LNPEP: variants seen among roughly 807,000 people sequenced by gnomAD.
LNPEP encodes leucyl-cystinyl aminopeptidase.
In LNPEP, 64 loss-of-function variants were observed where a neutral mutation model predicts 120.6. That is an observed-to-expected ratio of 0.53 (90% CI 0.43 to 0.65). The LOEUF (loss-of-function observed/expected upper bound fraction) is 0.65. LNPEP is among the 30% of genes least tolerant of loss of function. The probability of loss-of-function intolerance (pLI) is 0.00; values close to 1 mark genes in which losing one functional copy is unlikely to be tolerated. For synonymous variants in LNPEP, 435 were observed against 425.4 expected (o/e 1.02, Z -0.28); for missense variants, 1,057 against 1,200.0 (o/e 0.88, Z 1.76).
chr5:96,972,417 C>T (rs770246090), intron 1 of LNPEP, among the ~76,000 whole-genome samples: 7 of 152,102 alleles, frequency 4.6e-5, no homozygotes, highest in Non-Finnish European at 1.0e-4. Context: ...GCCACTACTT[C>T]CCTGCACTGC....
intron 1 of LNPEP, among the ~76,000 whole-genome samples, chr5:96,943,525 G>A (rs1001295962): frequency 2.6e-5 from 4 of 152,244 alleles, no homozygotes; most frequent in Non-Finnish European, 5.9e-5. Context: ...GGGCTCCAAT[G>A]TTCTGCCTGT....
rs1339984984 is a variant in LNPEP at position 97,030,550 on chromosome 5, A to G, written c.*2017A>G. 6.6e-6 allele frequency: 1 copy of G among 151,226 alleles called. No homozygotes were observed. Among genetic ancestry groups the G allele is most frequent in the East Asian group, 1.9e-4 (1 of 5,162 alleles). 9.4% of individuals were successfully genotyped at this position (151,226 alleles called of 1,614,324 possible). ...CTTCTTGACATCGCTCCTATAATGT[A>G]TGTTAGTTAACTCTGCATATGGCAA... is the stretch of plus-strand genomic sequence containing the variant. On this transcript the variant is annotated 3_prime_UTR_variant, in exon 18 of 18. Coordinates refer to ENST00000231368, the MANE Select transcript of LNPEP (RefSeq NM_005575.3).
At position 97,013,758 on chromosome 5, in the gene LNPEP, T is replaced by A. The variant is rs755344838; in HGVS notation, c.2146T>A (p.Leu716Met). 6.2e-7 allele frequency: 1 copy of A among 1,612,226 alleles called. No homozygotes were observed. Among genetic ancestry groups the A allele is most frequent in the African/African-American group, 1.3e-5 (1 of 74,870 alleles). ...DDDWEALIHQ[L>M]KINPYVLSDK... ...TGATTGGGAAGCACTAATCCATCAGTTGAAAATAAATCCTTATGTTCTGAG... is the reference window on the plus strand; with the variant it reads ...TGATTGGGAAGCACTAATCCATCAGATGAAAATAAATCCTTATGTTCTGAG... The change falls in exon 12 of 18, where the codon TTG becomes ATG. Residue 716 changes from leucine (L) to methionine (M), a missense_variant. Transcript: ENST00000231368.
intron 1 of LNPEP, among the ~76,000 whole-genome samples, chr5:96,948,612 A>G (rs1422735275): frequency 6.6e-6 from 1 of 152,166 alleles, no homozygotes. Context: ...TTGTTCTTAA[A>G]TTTACAAATA....
At position 97,034,576 on chromosome 5, in the gene LNPEP, G is replaced by A. The variant is rs1162838578; in HGVS notation, c.*6043G>A. The A allele has an allele frequency of 6.6e-6, 1 of 151,974 alleles. No homozygotes were observed. The highest frequency in any genetic ancestry group is 1.5e-5 in the Non-Finnish European group (1 of 67,980). 9.4% of individuals were successfully genotyped at this position (151,974 alleles called of 1,614,324 possible). On this transcript the variant is annotated 3_prime_UTR_variant, in exon 18 of 18. Coordinates refer to ENST00000231368, the MANE Select transcript of LNPEP (RefSeq NM_005575.3). ...TAATGAGGGACCCAGACCCGAGAGTGTGGTAAATATTCTTTGCCTTCCTCA... is the reference window on the plus strand; with the variant it reads ...TAATGAGGGACCCAGACCCGAGAGTATGGTAAATATTCTTTGCCTTCCTCA...
intron 1 of LNPEP, among the ~76,000 whole-genome samples, chr5:96,946,322 T>C (rs920148339): frequency 2.6e-5 from 4 of 152,198 alleles, no homozygotes; most frequent in Admixed American, 2.0e-4. Flanking sequence ...AGAGGCTTGG[T>C]AGCATTCCAC....
chr5:96,940,291 G>T (rs1192471468), intron 1 of LNPEP, among the ~76,000 whole-genome samples: 2 of 152,054 alleles, frequency 1.3e-5, no homozygotes, highest in African/African-American at 2.4e-5. Flanking sequence ...TTATCCTTGA[G>T]AACTCAGCCT....
chr5:96,959,933 CTTTTTT>C (rs11316262), intron 1 of LNPEP, among the ~76,000 whole-genome samples: 1 of 113,202 alleles, frequency 8.8e-6, no homozygotes, highest in Non-Finnish European at 1.8e-5. Flanking sequence ...TAAAATTTAT[CTTTTTT>C]TTTTTTTTTT....
chr5:97,024,767 G>A lies in LNPEP; in HGVS notation c.2723+85G>A, dbSNP rs568896071. 8.3e-5 allele frequency: 106 copies of A among 1,277,596 alleles called. 3 individuals are homozygous for A. The South Asian group carries it at 1.4e-3, about 17-fold the overall frequency. The allele number at this position is 1,277,596 out of a possible 1,614,324, so 79.1% of individuals were successfully genotyped here. The stretch of plus-strand genomic sequence containing the variant: ...TTGGTCAGGAGCTCATTTTTGAGGG[G>A]ATCTCTTTTCCCCACTTCTGTTACA... On this transcript the variant is annotated intron_variant, in intron 15 of 17. Coordinates refer to ENST00000231368, the MANE Select transcript of LNPEP (RefSeq NM_005575.3).
intron 10 of LNPEP, 69 bp from the exon 11 acceptor site, chr5:97,006,358 A>T: frequency 8.0e-7 from 1 of 1,245,418 alleles, no homozygotes; most frequent in Non-Finnish European, 1.1e-6. Context: ...GAATAGCTTA[A>T]CCTTCCTACC....
intron 11 of LNPEP, chr5:97,010,301 A>G (rs1245821034): frequency 2.1e-6 from 2 of 972,740 alleles, no homozygotes; most frequent in African/African-American, 3.5e-5. Flanking sequence ...TTCCAAATGG[A>G]TATCACTATC....
intron 4 of LNPEP, among the ~76,000 whole-genome samples, chr5:96,990,838 C>T (rs1279970973): frequency 2.0e-5 from 3 of 152,166 alleles, no homozygotes; most frequent in African/African-American, 7.2e-5. Flanking sequence ...TGCATATGTT[C>T]TATAGACTGA....
At position 97,031,950 on chromosome 5, in the gene LNPEP, A is replaced by G. The variant is rs182195004; in HGVS notation, c.*3417A>G. 5.9e-5 allele frequency: 9 copies of G among 152,292 alleles called. No individual in the cohort carries two copies. In the East Asian group the frequency reaches 1.7e-3, roughly 29 times the overall value. The allele number at this position is 152,292 out of a possible 1,614,324, so 9.4% of individuals were successfully genotyped here. On this transcript the variant is annotated 3_prime_UTR_variant, in exon 18 of 18. Coordinates refer to ENST00000231368, the MANE Select transcript of LNPEP (RefSeq NM_005575.3). ...GTTGGATTACTGACAGTTTGTTGAG[A>G]TGGATTTTAAAAAGAGTCTATTTAA...
At chr5:96,949,091 C>G (rs1789260949) in intron 1 of LNPEP, among the ~76,000 whole-genome samples, 1 of 152,234 alleles carries the variant, frequency 6.6e-6, no homozygotes, top group African/African-American at 2.4e-5. Flanking sequence ...AAGCTGGGAA[C>G]TAATGGTGTT....
chr5:96,939,954 A>AT, intron 1 of LNPEP, among the ~76,000 whole-genome samples: 1 of 152,304 alleles, frequency 6.6e-6, no homozygotes, highest in East Asian at 1.9e-4. Context: ...TCTATGATAA[A>AT]TTTCCACATT....
chr5:96,936,127 C>A lies in LNPEP; in HGVS notation c.-29C>A. On this transcript the variant is annotated 5_prime_UTR_variant, in exon 1 of 18. Transcript: ENST00000231368. ...CTCGGAGTAGGAAGCTCGGGCGCTC[C>A]GGCTGTAAGGAGCCGCGGCGGGGGG... The A allele has an allele frequency of 2.0e-6, 3 of 1,514,976 alleles. No individual in the cohort carries two copies. The highest frequency in any genetic ancestry group is 2.1e-5 in the Admixed American group (1 of 48,104). The allele number at this position is 1,514,976 out of a possible 1,614,324, so 93.8% of individuals were successfully genotyped here.
intron 1 of LNPEP, 106 bp from the exon 2 acceptor site, chr5:96,979,032 A>C (rs1011989503): frequency 4.5e-5 from 60 of 1,330,274 alleles, no homozygotes; most frequent in Non-Finnish European, 5.7e-5. Context: ...TAGTGACTTA[A>C]AAAAATTCTT....
intron 1 of LNPEP, among the ~76,000 whole-genome samples, chr5:96,939,650 C>T (rs1313489963): frequency 6.6e-6 from 1 of 151,798 alleles, no homozygotes; most frequent in Non-Finnish European, 1.5e-5. Flanking sequence ...ACTTTTATTA[C>T]CGCAGTGTGG....
At chr5:96,981,354 T>C (rs1019449823) in intron 2 of LNPEP, among the ~76,000 whole-genome samples, 1 of 152,208 alleles carries the variant, frequency 6.6e-6, no homozygotes, top group Non-Finnish European at 1.5e-5. Flanking sequence ...CTGATACTTT[T>C]ATTTTGTTTT....
Sources: allele counts gnomAD v4.1 joint callset (sites outside exome capture counted in the v4.1 genomes callset), GRCh38; gene constraint gnomAD v4.1.1; transcripts MANE v1.5; gene names NCBI Gene and HGNC (gene_info 2026-07-23, HGNC 2026-07-21).